The following RBFOX1 variants were observed in gnomAD, a reference collection of about 807,000 sequenced individuals.
The protein encoded by RBFOX1 is RNA binding fox-1 homolog 1, also known as RNA binding protein fox-1 homolog 1.
Under a neutral mutation model 57.7 loss-of-function variants are expected in RBFOX1, and 8 were observed. The ratio of observed to expected loss-of-function variants is 0.14; its 90% CI spans 0.08 to 0.25. The LOEUF is 0.25. RBFOX1 is among the 10% of genes least tolerant of loss of function. The pLI is 1.00. For synonymous variants in RBFOX1, 326 were observed against 222.4 expected (o/e 1.47, Z -4.15); for missense variants, 611 against 548.5 (o/e 1.11, Z -1.14).
At chr16:7,140,120 C>A (rs1464407638) in intron 4 of RBFOX1, among the ~76,000 whole-genome samples, 4 of 150,222 alleles carry the variant, frequency 2.7e-5, no homozygotes, top group African/African-American at 9.8e-5. Flanking sequence ...CTGCATGAAA[C>A]TAATTCATTC....
intron 4 of RBFOX1, among the ~76,000 whole-genome samples, chr16:7,317,917 A>G (rs2096474303): frequency 6.6e-6 from 1 of 152,150 alleles, no homozygotes; most frequent in Non-Finnish European, 1.5e-5. Flanking sequence ...TACCCAGCAA[A>G]CAGAAGGAGC....
intron 1 of RBFOX1, among the ~76,000 whole-genome samples, chr16:6,123,416 A>T (rs1220015419): frequency 6.6e-6 from 1 of 152,240 alleles, no homozygotes; most frequent in East Asian, 1.9e-4. Context: ...AGGGACAAAT[A>T]CTATATGGTT....
chr16:7,535,318 A>G (rs2081222551), intron 5 of RBFOX1, among the ~76,000 whole-genome samples: 1 of 152,112 alleles, frequency 6.6e-6, no homozygotes, highest in South Asian at 2.1e-4. Context: ...ATCTGCCTTC[A>G]CGGTCACTTA....
chr16:7,354,991 T>C (rs1431455195), intron 4 of RBFOX1, among the ~76,000 whole-genome samples: 1 of 152,194 alleles, frequency 6.6e-6, no homozygotes, highest in African/African-American at 2.4e-5. Flanking sequence ...ATGATTATAA[T>C]AATAAAAATT....
intron 3 of RBFOX1, among the ~76,000 whole-genome samples, chr16:5,830,452 A>G (rs1430169977): frequency 6.6e-6 from 1 of 151,608 alleles, no homozygotes; most frequent in African/African-American, 2.4e-5. Flanking sequence ...CAGACTCGCC[A>G]CTGAGGGAAA....
At chr16:7,603,358 A>G (rs958267697) in intron 9 of RBFOX1, among the ~76,000 whole-genome samples, 11 of 152,202 alleles carry the variant, frequency 7.2e-5, no homozygotes. Context: ...CTGGAGATTC[A>G]TGTTGGACAG....
intron 4 of RBFOX1, among the ~76,000 whole-genome samples, chr16:7,075,500 T>C (rs1430900336): frequency 1.3e-5 from 2 of 152,244 alleles, no homozygotes; most frequent in Admixed American, 6.5e-5. Flanking sequence ...TTTTGGCTTC[T>C]CTTTAAAACA....
intron 12 of RBFOX1, among the ~76,000 whole-genome samples, chr16:7,663,182 A>T (rs371352514): frequency 1.3e-5 from 2 of 151,806 alleles, no homozygotes; most frequent in East Asian, 3.9e-4. Flanking sequence ...CTGCCTTCTG[A>T]CCCCCCAACC....
chr16:7,505,547 C>T (rs1191762459), intron 4 of RBFOX1, among the ~76,000 whole-genome samples: 1 of 152,206 alleles, frequency 6.6e-6, no homozygotes, highest in Non-Finnish European at 1.5e-5. Context: ...GTACAGAGTA[C>T]CATAAATATT....
At chr16:6,034,354 AAAAGAAAAGAAAAG>A (rs2095335089) in intron 1 of RBFOX1, among the ~76,000 whole-genome samples, 4 of 140,728 alleles carry the variant, frequency 2.8e-5, no homozygotes, top group African/African-American at 1.0e-4. Flanking sequence ...AAAAAAAAAA[AAAAGAAAAGAAAAG>A]AAAAGAAAGG....
intron 4 of RBFOX1, among the ~76,000 whole-genome samples, chr16:5,870,339 A>C (rs1597577318): frequency 6.7e-6 from 1 of 149,774 alleles, no homozygotes; most frequent in African/African-American, 2.5e-5. Flanking sequence ...CTACAATGAA[A>C]ACGTGTGCAT....
chr16:7,469,094 C>T (rs909360118), intron 4 of RBFOX1, among the ~76,000 whole-genome samples: 2 of 152,064 alleles, frequency 1.3e-5, no homozygotes, highest in Non-Finnish European at 2.9e-5. Flanking sequence ...GCACCATGCC[C>T]GGCTAATTTT....
At chr16:5,963,629 A>G (rs1332216933) in intron 4 of RBFOX1, among the ~76,000 whole-genome samples, 1 of 152,234 alleles carries the variant, frequency 6.6e-6, no homozygotes, top group Non-Finnish European at 1.5e-5. Flanking sequence ...CTGACCTTCA[A>G]CAAGGGTGAC....
chr16:6,393,939 A>G (rs996440296), intron 2 of RBFOX1, among the ~76,000 whole-genome samples: 33 of 152,228 alleles, frequency 2.2e-4, no homozygotes, highest in African/African-American at 8.0e-4. Context: ...AAAGAAGAAG[A>G]AAAGTGGGAG....
At chr16:5,541,256 T>G (rs1220957370) in intron 2 of RBFOX1, among the ~76,000 whole-genome samples, 2 of 152,184 alleles carry the variant, frequency 1.3e-5, no homozygotes, top group Non-Finnish European at 2.9e-5. Context: ...TGTCTTGCTC[T>G]AATGCTTTGT....
intron 4 of RBFOX1, among the ~76,000 whole-genome samples, chr16:7,140,124 TTCATTC>T (rs750587055): frequency 8.5e-5 from 12 of 140,488 alleles, no homozygotes; most frequent in Non-Finnish European, 1.2e-4. Flanking sequence ...ATGAAACTAA[TTCATTC>T]TCATTCTCTT....
chr16:7,321,778 T>C (rs758037953), intron 4 of RBFOX1, among the ~76,000 whole-genome samples: 1 of 152,210 alleles, frequency 6.6e-6, no homozygotes, highest in Non-Finnish European at 1.5e-5. Context: ...CTCAGAGTGG[T>C]TCCTCTTTTG....
intron 2 of RBFOX1, among the ~76,000 whole-genome samples, chr16:6,364,569 G>T (rs1234378721): frequency 2.6e-5 from 4 of 152,188 alleles, no homozygotes; most frequent in African/African-American, 9.6e-5. Flanking sequence ...ATGTGCGTGT[G>T]TGCAGGCATG....
At chr16:5,674,353 C>T (rs1416490125) in intron 3 of RBFOX1, among the ~76,000 whole-genome samples, 1 of 152,204 alleles carries the variant, frequency 6.6e-6, no homozygotes, top group East Asian at 1.9e-4. Context: ...CTTTCCTCTA[C>T]AATGGGTAAA....
Sources: gnomAD v4.1 joint callset for allele counts (sites outside exome capture counted in the v4.1 genomes callset) on GRCh38, gnomAD v4.1.1 for gene constraint, MANE v1.5 for transcripts, NCBI Gene and HGNC (gene_info 2026-07-23, HGNC 2026-07-21) for gene names.